The following FBXO33 variants were observed in gnomAD, a reference collection of about 807,000 sequenced individuals.
FBXO33 encodes the protein F-box only protein 33.
Under a neutral mutation model 46.3 loss-of-function variants are expected in FBXO33, and 22 were observed. The ratio of observed to expected loss-of-function variants is 0.48; its 90% confidence interval spans 0.34 to 0.68. The LOEUF (loss-of-function observed/expected upper bound fraction) is 0.68. Ranked by LOEUF, FBXO33 falls within the 30% of genes least tolerant of loss-of-function variation. The pLI, the probability that FBXO33 is intolerant of heterozygous loss-of-function variation, is 0.01. For synonymous variants in FBXO33, 337 were observed against 291.3 expected (o/e 1.16, Z -1.60); for missense variants, 692 against 708.8 (o/e 0.98, Z 0.27).
At position 39,399,060 on chromosome 14, in the gene FBXO33, T is replaced by A. The variant is rs1439161376; in HGVS notation, c.*456A>T. On this transcript the variant is annotated 3_prime_UTR_variant, in exon 4 of 4. Coordinates refer to ENST00000298097, the MANE Select transcript of FBXO33 (RefSeq NM_203301.4). Reference sequence around the variant, plus strand: ...CATTTGGGATATTATTTATCTTCCATTTGAAATCAAAATTAATGAAATGCT... The same window carrying A: ...CATTTGGGATATTATTTATCTTCCAATTGAAATCAAAATTAATGAAATGCT... The A allele has an allele frequency of 1.3e-5, 2 of 152,886 alleles. No individual in the cohort carries two copies. The highest frequency in any genetic ancestry group is 2.9e-5 in the Non-Finnish European group (2 of 68,194). 9.5% of individuals were successfully genotyped at this position (152,886 alleles called of 1,614,324 possible).
intron 1 of FBXO33, among the ~76,000 whole-genome samples, chr14:39,427,027 A>G (rs561782189): frequency 6.6e-6 from 1 of 152,188 alleles, no homozygotes; most frequent in African/African-American, 2.4e-5. Context: ...TAGATTTTCT[A>G]TAACTATCAT....
chr14:39,406,305 CTCAG>C (rs1293933859), intron 1 of FBXO33, among the ~76,000 whole-genome samples: 1 of 152,160 alleles, frequency 6.6e-6, no homozygotes, highest in Non-Finnish European at 1.5e-5. Context: ...GTCATACAGT[CTCAG>C]TATTTTTCTC....
At chr14:39,429,797 G>T (rs1333367485) in intron 1 of FBXO33, among the ~76,000 whole-genome samples, 2 of 152,166 alleles carry the variant, frequency 1.3e-5, no homozygotes, top group Non-Finnish European at 2.9e-5. Flanking sequence ...GGCATCGGTG[G>T]CCTTATAGAG....
At chr14:39,406,633 C>G (rs949022505) in intron 1 of FBXO33, among the ~76,000 whole-genome samples, 2 of 152,078 alleles carry the variant, frequency 1.3e-5, no homozygotes, top group Admixed American at 6.6e-5. Flanking sequence ...AGTTTGCAGT[C>G]TAGAATTTTA....
intron 1 of FBXO33, among the ~76,000 whole-genome samples, chr14:39,419,791 A>C (rs1175437919): frequency 6.6e-6 from 1 of 152,248 alleles, no homozygotes. Flanking sequence ...AGTTGGCTAG[A>C]AAGTTTCTTC....
At chr14:39,410,978 T>TC (rs397719734) in intron 1 of FBXO33, among the ~76,000 whole-genome samples, 1 of 152,136 alleles carries the variant, frequency 6.6e-6, no homozygotes, top group Non-Finnish European at 1.5e-5. Flanking sequence ...TACCGCTTTT[T>TC]CTAGTCTGTA....
intron 1 of FBXO33, among the ~76,000 whole-genome samples, chr14:39,427,574 T>C (rs2075522176): frequency 6.6e-6 from 1 of 152,148 alleles, no homozygotes; most frequent in Non-Finnish European, 1.5e-5. Context: ...TTGGAGATAA[T>C]ACCTTCAAGG....
intron 1 of FBXO33, among the ~76,000 whole-genome samples, chr14:39,417,631 A>T (rs2075455215): frequency 6.6e-6 from 1 of 152,014 alleles, no homozygotes; most frequent in Non-Finnish European, 1.5e-5. Context: ...CCTGGGTTCA[A>T]GCAATTCTCC....
Position 39,399,314 on chromosome 14 carries a change from A to G in FBXO33, c.*202T>C, listed in dbSNP as rs1011696345. ...TGGTAACAAGTCCATTAACCGTGAA[A>G]GCCCTATACATTGTCACTTTGAACT... On this transcript the variant is annotated 3_prime_UTR_variant, in exon 4 of 4. Coordinates refer to ENST00000298097, the MANE Select transcript of FBXO33 (RefSeq NM_203301.4). 2.9e-5 allele frequency: 12 copies of G among 412,902 alleles called. No homozygotes were observed. The highest frequency in any genetic ancestry group is 5.1e-5 in the Non-Finnish European group (12 of 235,854). 25.6% of individuals were successfully genotyped at this position (412,902 alleles called of 1,614,324 possible).
chr14:39,425,928 G>A (rs2075510746), intron 1 of FBXO33, among the ~76,000 whole-genome samples: 1 of 151,982 alleles, frequency 6.6e-6, no homozygotes, highest in African/African-American at 2.4e-5. Flanking sequence ...ATAAATAACC[G>A]GCCTATAACA....
chr14:39,420,004 T>C (rs1242635626), intron 1 of FBXO33, among the ~76,000 whole-genome samples: 1 of 152,236 alleles, frequency 6.6e-6, no homozygotes, highest in African/African-American at 2.4e-5. Context: ...CTACTTAATT[T>C]TGTCCTTAAC....
intron 1 of FBXO33, among the ~76,000 whole-genome samples, chr14:39,420,562 CTGTA>C (rs1333912299): frequency 5.8e-4 from 88 of 152,082 alleles, no homozygotes; most frequent in African/African-American, 1.9e-3. Flanking sequence ...TGGTGGGCAC[CTGTA>C]TGTAGTCCCA....
In FBXO33 at chr14:39,421,818, A is replaced by AC; in HGVS notation, c.599+9745_599+9746insG. 6.2e-5 allele frequency among the ~76,000 whole-genome samples: 9 copies of AC among 146,020 alleles called. No individual in the cohort carries two copies. The South Asian group carries it at 8.7e-4, about 14-fold the overall frequency. On this transcript the variant is annotated intron_variant, in intron 1 of 3. Coordinates refer to ENST00000298097, the MANE Select transcript of FBXO33 (RefSeq NM_203301.4). The stretch of plus-strand genomic sequence containing the variant: ...CACACACACACACACACACACACAC[A>AC]AACACACGCACGAGTAAGAATAACC...
intron 1 of FBXO33, among the ~76,000 whole-genome samples, chr14:39,415,781 C>T (rs1426854607): frequency 6.6e-6 from 1 of 152,110 alleles, no homozygotes; most frequent in Admixed American, 6.5e-5. Flanking sequence ...ATTCTCCTGC[C>T]TCAGCCTCCC....
chr14:39,414,769 C>T (rs1384486213), intron 1 of FBXO33, among the ~76,000 whole-genome samples: 1 of 152,146 alleles, frequency 6.6e-6, no homozygotes, highest in East Asian at 1.9e-4. Flanking sequence ...TCAAGTGATC[C>T]TCCCACCTCA....
At chr14:39,415,433 A>G (rs1375956168) in intron 1 of FBXO33, among the ~76,000 whole-genome samples, 1 of 152,222 alleles carries the variant, frequency 6.6e-6, no homozygotes, top group Non-Finnish European at 1.5e-5. Context: ...TAAAAAAAAC[A>G]TAATATCTGT....
In FBXO33 at chr14:39,419,466, T is replaced by C. The variant is rs576634268; in HGVS notation, c.599+12098A>G. 9.2e-5 allele frequency among the ~76,000 whole-genome samples: 14 copies of C among 152,334 alleles called. No individual in the cohort carries two copies. The South Asian group carries it at 1.0e-3, about 11-fold the overall frequency. On this transcript the variant is annotated intron_variant, in intron 1 of 3. Transcript: ENST00000298097. ...CTGCATATAGCCTCTAGGTGGCTCA[T>C]TATTGTTTCAGATAGTAAAGAGACT... is the stretch of plus-strand genomic sequence containing the variant.
At chr14:39,420,285 T>C (rs1164976521) in intron 1 of FBXO33, among the ~76,000 whole-genome samples, 1 of 152,238 alleles carries the variant, frequency 6.6e-6, no homozygotes, top group Non-Finnish European at 1.5e-5. Context: ...ATAACTCTGT[T>C]ATCAATGGTA....
chr14:39,412,993 T>G (rs576976998), intron 1 of FBXO33, among the ~76,000 whole-genome samples: 1 of 152,382 alleles, frequency 6.6e-6, no homozygotes, highest in South Asian at 2.1e-4. Flanking sequence ...GGGTGATAGC[T>G]GAAGGCTGGA....
Sources: allele counts gnomAD v4.1 joint callset (sites outside exome capture counted in the v4.1 genomes callset), GRCh38; gene constraint gnomAD v4.1.1; transcripts MANE v1.5; gene names NCBI Gene and HGNC (gene_info 2026-07-23, HGNC 2026-07-21).